The following FANCC variants were observed in gnomAD, a reference collection of about 807,000 sequenced individuals.
FANCC encodes the protein FA complementation group C.
FANCC carries 55 observed loss-of-function variants against 71.3 expected under a neutral mutation model. The observed-to-expected ratio is 0.77, with a 90% CI of 0.62 to 0.97. The LOEUF (loss-of-function observed/expected upper bound fraction) is 0.97. FANCC is among the 50% of genes least tolerant of loss of function. The probability of loss-of-function intolerance (pLI) is 0.00; values close to 1 mark genes in which losing one functional copy is unlikely to be tolerated. For synonymous variants in FANCC, 275 were observed against 244.9 expected (o/e 1.12, Z -1.15); for missense variants, 678 against 670.9 (o/e 1.01, Z -0.12).
At chr9:95,281,696 A>C (rs1833393036) in intron 1 of FANCC, among the ~76,000 whole-genome samples, 1 of 152,140 alleles carries the variant, frequency 6.6e-6, no homozygotes, top group South Asian at 2.1e-4. Flanking sequence ...GAAGGTTAAG[A>C]CAACACAATT....
At position 95,249,333 on chromosome 9, in the gene FANCC, G is replaced by A; in HGVS notation, c.-42C>T. ...AGGTGATGTCCCTTCACAGCAGCCT[G>A]TCCAGCACTGAAGGAAATGGTCGGC... On this transcript the variant is annotated 5_prime_UTR_variant, in exon 2 of 15. Coordinates refer to ENST00000289081, the MANE Select transcript of FANCC (RefSeq NM_000136.3). 6.3e-7 allele frequency: 1 copy of A among 1,592,324 alleles called. No individual in the cohort carries two copies.
Position 95,099,095 on chromosome 9 carries a change from C to A in FANCC, c.*2612G>T. 2 of 196,860 alleles carry A rather than the reference C, an allele frequency of 1.0e-5. No individual in the cohort carries two copies. The highest frequency in any genetic ancestry group is 1.2e-4 in the Admixed American group (2 of 16,480). The allele number at this position is 196,860 out of a possible 1,614,324, so 12.2% of individuals were successfully genotyped here. ...GTTTTATTTAGAATGAAAAAATAGA[C>A]AACAAATTACAGATTTTAAAGAGCT... On this transcript the variant is annotated 3_prime_UTR_variant, in exon 15 of 15. Transcript: ENST00000289081.
At chr9:95,121,772 A>C (rs2072897982) in intron 10 of FANCC, among the ~76,000 whole-genome samples, 1 of 152,194 alleles carries the variant, frequency 6.6e-6, no homozygotes. Flanking sequence ...AAACAACCAA[A>C]ACTAAACAAA....
intron 6 of FANCC, among the ~76,000 whole-genome samples, chr9:95,150,798 T>C (rs1267957079): frequency 6.6e-6 from 1 of 152,198 alleles, no homozygotes; most frequent in Non-Finnish European, 1.5e-5. Flanking sequence ...TTTCTGCCTC[T>C]GACTGCCCCA....
intron 4 of FANCC, among the ~76,000 whole-genome samples, chr9:95,215,013 AT>A (rs1828768832): frequency 6.6e-6 from 1 of 152,180 alleles, no homozygotes; most frequent in Non-Finnish European, 1.5e-5. Context: ...TACCACAAAA[AT>A]ATATGATAAA....
chr9:95,160,664 G>T (rs1830690043), intron 6 of FANCC, among the ~76,000 whole-genome samples: 1 of 152,158 alleles, frequency 6.6e-6, no homozygotes, highest in Non-Finnish European at 1.5e-5. Context: ...CCATGAGCAT[G>T]GAATGTTCTT....
intron 4 of FANCC, among the ~76,000 whole-genome samples, chr9:95,204,653 G>T (rs886206906): frequency 6.6e-6 from 1 of 152,146 alleles, no homozygotes; most frequent in African/African-American, 2.4e-5. Flanking sequence ...CTTTTGATAT[G>T]GTTACCAAAC....
chr9:95,260,688 A>AT (rs1178422658), intron 1 of FANCC, among the ~76,000 whole-genome samples: 4 of 149,384 alleles, frequency 2.7e-5, no homozygotes, highest in Non-Finnish European at 6.0e-5. Flanking sequence ...TTAAAATATA[A>AT]AAAAAAAAAA....
intron 4 of FANCC, among the ~76,000 whole-genome samples, chr9:95,177,569 C>T (rs994801529): frequency 2.6e-5 from 4 of 152,236 alleles, no homozygotes; most frequent in African/African-American, 4.8e-5. Context: ...TGGACTATTA[C>T]AATCAATGCT....
At chr9:95,261,419 T>C (rs1466187088) in intron 1 of FANCC, among the ~76,000 whole-genome samples, 3 of 151,486 alleles carry the variant, frequency 2.0e-5, no homozygotes, top group African/African-American at 7.4e-5. Flanking sequence ...AGAGAAATAC[T>C]GTTTAGCATT....
At chr9:95,314,972 G>C (rs1835655289) in intron 1 of FANCC, among the ~76,000 whole-genome samples, 1 of 152,070 alleles carries the variant, frequency 6.6e-6, no homozygotes. Context: ...AATTTATATG[G>C]AAATGTAAGG....
rs1444046584 is a variant in FANCC, at chr9:95,102,617, G to A, written c.1534-767C>T. On this transcript the variant is annotated intron_variant, in intron 14 of 14. Transcript: ENST00000289081. ...CGCAAATGTTTAATTAGCCAGAGCA[G>A]CCCAAGGTCAGCTTCCTCTGGAAGG... is the stretch of plus-strand genomic sequence containing the variant. Among the ~76,000 whole-genome samples the A allele has an allele frequency of 6.6e-5, 10 of 152,332 alleles. No homozygotes were observed. In the East Asian group the frequency reaches 1.7e-3, roughly 26 times the overall value.
At chr9:95,107,354 A>G in intron 13 of FANCC, 85 bp from the exon 14 acceptor site, 3 of 1,443,304 alleles carry the variant, frequency 2.1e-6, no homozygotes, top group Admixed American at 2.0e-5. Context: ...CTTTGAAACA[A>G]CCCCCAGAAA....
intron 11 of FANCC, among the ~76,000 whole-genome samples, chr9:95,115,003 C>T (rs1171876281): frequency 1.3e-5 from 2 of 152,150 alleles, no homozygotes; most frequent in Non-Finnish European, 2.9e-5. Context: ...TGCAGTGGTA[C>T]GATCCTGGTT....
At chr9:95,211,816 T>C (rs1046009037) in intron 4 of FANCC, among the ~76,000 whole-genome samples, 2 of 148,630 alleles carry the variant, frequency 1.3e-5, no homozygotes, top group East Asian at 3.9e-4. Flanking sequence ...ACACGTATTA[T>C]AGGTATTTAA....
At position 95,226,202 on chromosome 9, in the gene FANCC, G is replaced by A. The variant is rs868280027; in HGVS notation, c.345+14447C>T. On this transcript the variant is annotated intron_variant, in intron 4 of 14. Coordinates refer to ENST00000289081, the MANE Select transcript of FANCC (RefSeq NM_000136.3). Reference sequence around the variant, plus strand: ...GAATTTAGAACCTACCACCAATTCTGCTACCCTAATAAAGTATGACAGAAA... The same window carrying A: ...GAATTTAGAACCTACCACCAATTCTACTACCCTAATAAAGTATGACAGAAA... Among the ~76,000 whole-genome samples, 3 of 152,160 alleles carry A rather than the reference G, an allele frequency of 2.0e-5. No homozygotes were observed. In the South Asian group the frequency reaches 6.2e-4, roughly 32 times the overall value.
rs766812326 is a variant in FANCC at position 95,107,403 on chromosome 9, C to T, written c.1330-134G>A. On this transcript the variant is annotated intron_variant, in intron 13 of 14. Coordinates refer to ENST00000289081, the MANE Select transcript of FANCC (RefSeq NM_000136.3). The stretch of plus-strand genomic sequence containing the variant: ...GCCCCTGAGAGAGGGAGCTAGGCAG[C>T]GGCCGAATTTACACTCGATTTCACA... The T allele has an allele frequency of 6.2e-5, 60 of 962,526 alleles. 1 individual carries two copies. In the Middle Eastern group the frequency reaches 1.2e-3, roughly 20 times the overall value. The allele number at this position is 962,526 out of a possible 1,614,324, so 59.6% of individuals were successfully genotyped here. A position where few individuals can be genotyped will look rare whatever the true frequency, so the allele number is the denominator to read the frequency against.
At chr9:95,142,898 C>T (rs532040784) in intron 7 of FANCC, among the ~76,000 whole-genome samples, 1 of 152,292 alleles carries the variant, frequency 6.6e-6, no homozygotes, top group African/African-American at 2.4e-5. Flanking sequence ...ATGCTCCCAA[C>T]TCTCTAGACA....
intron 14 of FANCC, among the ~76,000 whole-genome samples, chr9:95,104,499 G>A (rs1588019011): frequency 6.6e-6 from 1 of 152,022 alleles, no homozygotes; most frequent in African/African-American, 2.4e-5. Flanking sequence ...GCTGAACCAC[G>A]TGTCAGGAGG....
Sources: allele counts gnomAD v4.1 joint callset (sites outside exome capture counted in the v4.1 genomes callset), GRCh38; gene constraint gnomAD v4.1.1; transcripts MANE v1.5; gene names NCBI Gene and HGNC (gene_info 2026-07-23, HGNC 2026-07-21).